The following TSGA10 variants were observed in gnomAD, a reference collection of about 807,000 sequenced individuals.
TSGA10 encodes testis specific 10, also known as testis-specific gene 10 protein.
A neutral mutation model predicts 96.6 loss-of-function variants in TSGA10; 43 were observed. The observed-to-expected ratio is 0.44, with a 90% CI of 0.35 to 0.57. TSGA10 has a LOEUF of 0.57. Ranked by LOEUF, TSGA10 falls within the 20% of genes least tolerant of loss-of-function variation. The probability of loss-of-function intolerance (pLI) is 0.01; values close to 1 mark genes in which losing one functional copy is unlikely to be tolerated. For missense variants in TSGA10, 703 were observed against 834.4 expected, an observed-to-expected ratio of 0.84 and a Z score of 1.94; for synonymous variants, 229 against 269.9, an observed-to-expected ratio of 0.85 and a Z score of 1.48.
At chr2:99,027,778 T>G (rs2080762483) in intron 17 of TSGA10, among the ~76,000 whole-genome samples, 2 of 152,208 alleles carry the variant, frequency 1.3e-5, no homozygotes, top group Admixed American at 6.5e-5. Flanking sequence ...TAAGCTGCTC[T>G]AAAAGACAGT....
At chr2:98,998,633 G>C (rs981538124) in intron 20 of TSGA10, among the ~76,000 whole-genome samples, 2 of 152,180 alleles carry the variant, frequency 1.3e-5, no homozygotes, top group Non-Finnish European at 2.9e-5. Context: ...ATTCTTTGGT[G>C]CTGATGGAAC....
At chr2:99,140,194 A>G (rs1574718051) in intron 1 of TSGA10, among the ~76,000 whole-genome samples, 1 of 152,366 alleles carries the variant, frequency 6.6e-6, no homozygotes, top group East Asian at 1.9e-4. Flanking sequence ...ACTAATTAAG[A>G]CTGAAGAGTT....
intron 10 of TSGA10, among the ~76,000 whole-genome samples, chr2:99,085,344 T>C (rs11903311): frequency 0.4 from 60,899 of 151,658 alleles, 14,335 homozygotes; most frequent in African/African-American, 0.65. Flanking sequence ...ATGGCTCATG[T>C]CTATAATCCT....
chr2:99,053,119 T>TA (rs2083580552), intron 16 of TSGA10, among the ~76,000 whole-genome samples: 1 of 151,894 alleles, frequency 6.6e-6, no homozygotes, highest in South Asian at 2.1e-4. Context: ...AAAAAAATCT[T>TA]ACATCAAAAA....
At chr2:99,124,459 G>C (rs2092724076) in intron 2 of TSGA10, among the ~76,000 whole-genome samples, 2 of 151,978 alleles carry the variant, frequency 1.3e-5, no homozygotes, top group Non-Finnish European at 2.9e-5. Context: ...ACAAAAAATT[G>C]ATTAGGAAGT....
intron 10 of TSGA10, among the ~76,000 whole-genome samples, chr2:99,087,245 G>T (rs2088625830): frequency 6.6e-6 from 1 of 151,850 alleles, no homozygotes. Flanking sequence ...GGTAGCTAAT[G>T]CCTGTAATCC....
At chr2:99,041,215 G>A (rs2082152101) in intron 16 of TSGA10, among the ~76,000 whole-genome samples, 1 of 152,220 alleles carries the variant, frequency 6.6e-6, no homozygotes, top group South Asian at 2.1e-4. Flanking sequence ...AGATAAACAT[G>A]TCTGCTTTTC....
intron 10 of TSGA10, among the ~76,000 whole-genome samples, chr2:99,095,372 T>C (rs547673908): frequency 6.6e-6 from 1 of 151,850 alleles, no homozygotes; most frequent in Non-Finnish European, 1.5e-5. Flanking sequence ...CCAAACACCA[T>C]CTGTTCCCCA....
At chr2:99,023,792 T>C (rs746518276) in intron 17 of TSGA10, among the ~76,000 whole-genome samples, 1 of 152,232 alleles carries the variant, frequency 6.6e-6, no homozygotes, top group Non-Finnish European at 1.5e-5. Flanking sequence ...TCTTGATTAC[T>C]TCAGTTTTGC....
chr2:99,080,102 C>A (rs2087258286), intron 11 of TSGA10, among the ~76,000 whole-genome samples: 1 of 152,170 alleles, frequency 6.6e-6, no homozygotes, highest in Non-Finnish European at 1.5e-5. Context: ...TCTTGCTACC[C>A]TTTAATAGCC....
chr2:99,140,371 C>T (rs2093487490), intron 1 of TSGA10, among the ~76,000 whole-genome samples: 2 of 151,602 alleles, frequency 1.3e-5, no homozygotes, highest in African/African-American at 2.4e-5. Flanking sequence ...AAATGCTGAA[C>T]ACCAGTACAG....
intron 17 of TSGA10, among the ~76,000 whole-genome samples, chr2:99,028,836 G>C (rs1445610293): frequency 6.6e-6 from 1 of 152,066 alleles, no homozygotes; most frequent in African/African-American, 2.4e-5. Flanking sequence ...GTGGCTTTTT[G>C]AAAGCTCGTT....
intron 17 of TSGA10, among the ~76,000 whole-genome samples, chr2:99,030,771 T>C (rs1036789435): frequency 6.6e-6 from 1 of 152,170 alleles, no homozygotes; most frequent in Non-Finnish European, 1.5e-5. Context: ...AAAGAATACT[T>C]CTTTTTATTT....
rs2104755290 is a variant in TSGA10 at position 98,997,925 on chromosome 2, A to G, written c.*272T>C. The G allele has an allele frequency of 3.0e-6, 1 of 335,484 alleles. No homozygotes were observed. The highest frequency in any genetic ancestry group is 4.6e-5 in the East Asian group (1 of 21,702). The allele number at this position is 335,484 out of a possible 1,614,324, so 20.8% of individuals were successfully genotyped here. A position where few individuals can be genotyped will look rare whatever the true frequency, so the allele number is the denominator to read the frequency against. On this transcript the variant is annotated 3_prime_UTR_variant, in exon 21 of 21. Coordinates refer to ENST00000393483, the MANE Select transcript of TSGA10 (RefSeq NM_025244.4). ...ATAAGCTTCTTTATTTACTCCAGAT[A>G]GTGAACAGAATAGTGTTCAATAGTG...
chr2:99,018,442 C>T (rs2079724565), intron 19 of TSGA10, 93 bp from the exon 20 acceptor site: 1 of 1,566,604 alleles, frequency 6.4e-7, no homozygotes, highest in African/African-American at 1.4e-5. Flanking sequence ...AAAATCTAAC[C>T]ATCATGAAAG....
At chr2:99,040,166 C>T (rs548689479) in intron 16 of TSGA10, among the ~76,000 whole-genome samples, 2 of 152,062 alleles carry the variant, frequency 1.3e-5, no homozygotes, top group Admixed American at 6.5e-5. Flanking sequence ...ACAATATTAC[C>T]GAATGGGGAA....
At chr2:99,003,448 A>G (rs749033385) in intron 20 of TSGA10, among the ~76,000 whole-genome samples, 3 of 152,216 alleles carry the variant, frequency 2.0e-5, no homozygotes, top group Non-Finnish European at 4.4e-5. Context: ...CACCAAGTGG[A>G]CCTAATAGAC....
chr2:99,028,081 C>A (rs374646664), intron 17 of TSGA10, among the ~76,000 whole-genome samples: 1 of 152,242 alleles, frequency 6.6e-6, no homozygotes, highest in East Asian at 1.9e-4. Context: ...GTCATTCTAG[C>A]CCCTCCCGCT....
rs1365571525 is a variant in TSGA10, at chr2:99,035,436, A to G, written c.1408T>C (p.Leu470=). The G allele has an allele frequency of 3.1e-6, 5 of 1,602,558 alleles. No individual in the cohort carries two copies. Among genetic ancestry groups the G allele is most frequent in the Non-Finnish European group, 3.4e-6 (4 of 1,172,726 alleles). Reference sequence around the variant, plus strand: ...GACTTGTAAGACCTTTCTGCATTTAAGTGCTGTAAGAATAAAATTATATAT... The same window carrying G: ...GACTTGTAAGACCTTTCTGCATTTAGGTGCTGTAAGAATAAAATTATATAT... ...DSLNREVEQH[L]NAERSYKSQI... Residue 470 remains leucine (L), a synonymous_variant, in exon 17 of 21, where the codon TTA becomes CTA. Coordinates refer to ENST00000393483, the MANE Select transcript of TSGA10 (RefSeq NM_025244.4).
Sources: gnomAD v4.1 joint callset for allele counts (sites outside exome capture counted in the v4.1 genomes callset) on GRCh38, gnomAD v4.1.1 for gene constraint, MANE v1.5 for transcripts, NCBI Gene and HGNC (gene_info 2026-07-23, HGNC 2026-07-21) for gene names.